The following IAPP variants were observed in gnomAD, a reference collection of about 807,000 sequenced individuals.
IAPP encodes Islet amyloid polypeptide (diabetes-associated peptide; amylin).
A neutral mutation model predicts 2.9 loss-of-function variants in IAPP; 4 were observed. The ratio of observed to expected loss-of-function variants is 1.39; its 90% CI spans 0.69 to 3.19. The LOEUF (loss-of-function observed/expected upper bound fraction) is 3.19, where lower values mean the gene tolerates loss of function less well. Among genes scored for constraint, IAPP ranks in the 30% most tolerant of loss-of-function variants. The pLI, the probability that IAPP is intolerant of heterozygous loss-of-function variation, is 0.01. For missense variants in IAPP, 114 were observed against 105.3 expected, an observed-to-expected ratio of 1.08 and a Z score of -0.36; for synonymous variants, 40 against 42.1, an observed-to-expected ratio of 0.95 and a Z score of 0.19.
chr12:21,365,259 T>C lies in IAPP; in HGVS notation c.-15-8078T>C, dbSNP rs1216046756. 4.6e-5 allele frequency among the ~76,000 whole-genome samples: 7 copies of C among 152,162 alleles called. No homozygotes were observed. The East Asian group carries it at 1.3e-3, about 29-fold the overall frequency. On this transcript the variant is annotated intron_variant, in intron 1 of 2. Transcript: ENST00000539393. ...ATAATACCACACATCTACAACCATC[T>C]GATCTTTGACAAACCTGACAAAAAC... is the stretch of plus-strand genomic sequence containing the variant.
At chr12:21,365,131 A>T (rs994748748) in intron 1 of IAPP, among the ~76,000 whole-genome samples, 43 of 152,308 alleles carry the variant, frequency 2.8e-4, no homozygotes, top group African/African-American at 1.0e-3. Flanking sequence ...GCATCACACT[A>T]CCTGACTTCA....
At chr12:21,359,619 C>T (rs545619838) in intron 1 of IAPP, among the ~76,000 whole-genome samples, 2 of 152,186 alleles carry the variant, frequency 1.3e-5, no homozygotes, top group South Asian at 2.1e-4. Context: ...TGGTGGTGGG[C>T]ACCTGTGGTC....
rs1940454132 is a variant in IAPP at position 21,379,559 on chromosome 12, C to T, written c.*1133C>T. ...TCTGGCAGAGGTTATGTATATGATA[C>T]ACTTTTTTTGATAGCAGCTGCAATG... On this transcript the variant is annotated 3_prime_UTR_variant, in exon 3 of 3. Coordinates refer to ENST00000240652, the MANE Select transcript of IAPP (RefSeq NM_000415.3). 6.6e-6 allele frequency: 1 copy of T among 152,124 alleles called. No homozygotes were observed. Among genetic ancestry groups the T allele is most frequent in the African/African-American group, 2.4e-5 (1 of 41,434 alleles). 9.4% of individuals were successfully genotyped at this position (152,124 alleles called of 1,614,324 possible).
rs141057868 is a variant in IAPP at position 21,378,282 on chromosome 12, G to A, written c.126G>A (p.Thr42=). ...KRKCNTATCA[T]QRLANFLVHS... is the part of the protein sequence containing the mutation. ...AATGCAACACTGCCACATGTGCAACGCAGCGCCTGGCAAATTTTTTAGTTC... is the reference window on the plus strand; with the variant it reads ...AATGCAACACTGCCACATGTGCAACACAGCGCCTGGCAAATTTTTTAGTTC... Residue 42 remains threonine (T), a synonymous_variant, in exon 3 of 3, where the codon ACG becomes ACA. Transcript: ENST00000240652. 216 of 1,614,160 alleles carry A rather than the reference G, an allele frequency of 1.3e-4. 2 individuals are homozygous for A. The African/African-American group carries it at 2.4e-3, about 18-fold the overall frequency.
chr12:21,363,340 A>G (rs1939088107), intron 1 of IAPP, among the ~76,000 whole-genome samples: 1 of 152,222 alleles, frequency 6.6e-6, no homozygotes, highest in Non-Finnish European at 1.5e-5. Context: ...ATGTTCTTTG[A>G]AACGAATGAG....
chr12:21,377,064 T>A (rs1940251678), intron 2 of IAPP, among the ~76,000 whole-genome samples: 1 of 152,160 alleles, frequency 6.6e-6, no homozygotes, highest in African/African-American at 2.4e-5. Context: ...AAACATAAGT[T>A]AAAATTAAAT....
chr12:21,371,264 C>T (rs183725400), upstream of IAPP, among the ~76,000 whole-genome samples: 3 of 152,220 alleles, frequency 2.0e-5, no homozygotes, highest in Admixed American at 2.0e-4. Context: ...TTTCCATTGG[C>T]CCTGTTTTAG....
chr12:21,355,290 A>C (rs1228985510), intron 1 of IAPP, among the ~76,000 whole-genome samples: 6 of 152,178 alleles, frequency 3.9e-5, no homozygotes, highest in Non-Finnish European at 8.8e-5. Context: ...TATTTCCTGA[A>C]GTATGGCTTT....
Position 21,378,524 on chromosome 12 carries a change from T to C in IAPP, c.*98T>C. On this transcript the variant is annotated 3_prime_UTR_variant, in exon 3 of 3. Transcript: ENST00000240652. ...ATCTCCAGTGTGAATATATGGTCTG[T>C]GTGTCTGATGTTTGTTGCTAGGACA... is the stretch of plus-strand genomic sequence containing the variant. 1 of 1,006,560 alleles carries C rather than the reference T, an allele frequency of 9.9e-7. No individual in the cohort carries two copies. Among genetic ancestry groups the C allele is most frequent in the South Asian group, 1.3e-5 (1 of 75,774 alleles). The allele number at this position is 1,006,560 out of a possible 1,614,324, so 62.4% of individuals were successfully genotyped here. A position where few individuals can be genotyped will look rare whatever the true frequency, so the allele number is the denominator to read the frequency against.
chr12:21,365,893 G>T (rs10841799), intron 1 of IAPP, among the ~76,000 whole-genome samples: 49,157 of 151,934 alleles, frequency 0.32, 8,256 homozygotes, highest in East Asian at 0.46. Flanking sequence ...AAAAAGTCAG[G>T]AAACAACAGG....
intron 1 of IAPP, among the ~76,000 whole-genome samples, chr12:21,360,524 G>A (rs547057096): frequency 3.0e-4 from 45 of 152,318 alleles, no homozygotes; most frequent in Middle Eastern, 3.4e-3. Context: ...TCCAACTGAG[G>A]TACCAGGTTC....
intron 1 of IAPP, among the ~76,000 whole-genome samples, chr12:21,364,024 G>A (rs963210927): frequency 1.3e-4 from 20 of 152,098 alleles, no homozygotes; most frequent in African/African-American, 4.6e-4. Context: ...AGAAAAAGAG[G>A]GAATCCTCCC....
At chr12:21,357,441 C>G (rs186159953) in intron 1 of IAPP, among the ~76,000 whole-genome samples, 43 of 152,282 alleles carry the variant, frequency 2.8e-4, no homozygotes, top group Admixed American at 7.8e-4. Flanking sequence ...CTGCTGACAC[C>G]TAATCTTAGA....
intron 1 of IAPP, among the ~76,000 whole-genome samples, chr12:21,366,480 C>A (rs144832548): frequency 6.6e-6 from 1 of 151,928 alleles, no homozygotes; most frequent in Non-Finnish European, 1.5e-5. Context: ...ACCAACATGG[C>A]GCACGTATTC....
Position 21,378,699 on chromosome 12 carries a change from G to A in IAPP, c.*273G>A. ...TTGGGACCTATATCTCAGTGGCACA[G>A]GTTTAAGAACGAAGGAGAAAAAGGT... On this transcript the variant is annotated 3_prime_UTR_variant, in exon 3 of 3. Coordinates refer to ENST00000240652, the MANE Select transcript of IAPP (RefSeq NM_000415.3). The A allele has an allele frequency of 2.9e-6, 1 of 339,978 alleles. No individual in the cohort carries two copies. Among genetic ancestry groups the A allele is most frequent in the Non-Finnish European group, 5.4e-6 (1 of 184,682 alleles). 21.1% of individuals were successfully genotyped at this position (339,978 alleles called of 1,614,324 possible). A position where few individuals can be genotyped will look rare whatever the true frequency, so the allele number is the denominator to read the frequency against.
chr12:21,360,542 T>G (rs2137044940), intron 1 of IAPP, among the ~76,000 whole-genome samples: 1 of 152,316 alleles, frequency 6.6e-6, no homozygotes, highest in South Asian at 2.1e-4. Flanking sequence ...TTCATCTCAC[T>G]GGGGCTTGCC....
chr12:21,378,104 A>G (rs1940337946), intron 2 of IAPP, 133 bp from the exon 3 acceptor site: 5 of 783,122 alleles, frequency 6.4e-6, no homozygotes, highest in South Asian at 1.8e-5. Flanking sequence ...GGTGTTTGCA[A>G]ACCAAAACAC....
chr12:21,361,707 G>C (rs1938904516), intron 1 of IAPP, among the ~76,000 whole-genome samples: 1 of 152,152 alleles, frequency 6.6e-6, no homozygotes, highest in Non-Finnish European at 1.5e-5. Context: ...TAAATGACCT[G>C]ATGGAGCTGA....
chr12:21,370,913 T>C (rs1405323183), upstream of IAPP, among the ~76,000 whole-genome samples: 1 of 152,188 alleles, frequency 6.6e-6, no homozygotes, highest in African/African-American at 2.4e-5. Flanking sequence ...TTGGCTTTGT[T>C]CATGAAAGAG....
Sources: gnomAD v4.1 joint callset for allele counts (sites outside exome capture counted in the v4.1 genomes callset) on GRCh38, gnomAD v4.1.1 for gene constraint, MANE v1.5 for transcripts, NCBI Gene and HGNC (gene_info 2026-07-23, HGNC 2026-07-21) for gene names.